Variants in KANSL3 observed in about 807,000 individuals in gnomAD.
KANSL3 encodes NSL complex protein NSL3.
A neutral mutation model predicts 89.2 loss-of-function variants in KANSL3; 16 were observed. That is an observed-to-expected ratio of 0.18 (90% CI 0.12 to 0.27). The LOEUF is 0.27. KANSL3 is among the 10% of genes least tolerant of loss of function. The probability of loss-of-function intolerance (pLI) is 1.00; values close to 1 mark genes in which losing one functional copy is unlikely to be tolerated. For synonymous variants in KANSL3, 385 were observed against 419.7 expected (o/e 0.92, Z 1.01); for missense variants, 879 against 1,110.6 (o/e 0.79, Z 2.96).
chr2:96,616,307 A>G (rs2070100939), intron 5 of KANSL3, among the ~76,000 whole-genome samples: 1 of 152,242 alleles, frequency 6.6e-6, no homozygotes, highest in South Asian at 2.1e-4. Context: ...TAACAGTAGT[A>G]TATAGCTTTG....
At chr2:96,605,221 A>G in intron 15 of KANSL3, 99 bp downstream of exon 15, 3 of 1,112,172 alleles carry the variant, frequency 2.7e-6, no homozygotes, top group Non-Finnish European at 3.9e-6. Context: ...ATCTCTCAAA[A>G]TAAAGCAAAG....
intron 3 of KANSL3, among the ~76,000 whole-genome samples, chr2:96,629,200 T>C (rs1325243337): frequency 1.3e-5 from 2 of 152,254 alleles, no homozygotes; most frequent in African/African-American, 4.8e-5. Flanking sequence ...ATCGTCGTTA[T>C]TTTTTATTAT....
chr2:96,637,228 AATTT>A, intron 1 of KANSL3, 43 bp from the exon 2 acceptor site: 1 of 697,718 alleles, frequency 1.4e-6, no homozygotes, highest in Admixed American at 2.8e-5. Flanking sequence ...CAATATCCTA[AATTT>A]CTCCCAATCT....
At chr2:96,632,397 G>A (rs1558785093) in intron 2 of KANSL3, among the ~76,000 whole-genome samples, 1 of 152,114 alleles carries the variant, frequency 6.6e-6, no homozygotes. Flanking sequence ...AGGAGGTTGA[G>A]GCTACAGTCA....
In KANSL3 at chr2:96,612,496, T is replaced by C. The variant is rs779344229; in HGVS notation, c.980A>G (p.His327Arg). ...TTTGCTTCTCACTGCCCCAATCATA[T>C]GCTCGAGACACTGTAGAACTCCTAC... is the stretch of plus-strand genomic sequence containing the variant. The part of the protein sequence containing the change: ...SGVGVLQCLE[H>R]MIGAVRSKVL... Residue 327 changes from histidine to arginine, a missense_variant, in exon 8 of 21, where the codon CAT becomes CGT. Transcript: ENST00000431828. 2.0e-5 allele frequency: 32 copies of C among 1,613,842 alleles called. No homozygotes were observed. The highest frequency in any genetic ancestry group is 3.3e-5 in the South Asian group (3 of 91,090).
At chr2:96,607,525 C>T (rs550965331) in intron 14 of KANSL3, among the ~76,000 whole-genome samples, 1 of 152,244 alleles carries the variant, frequency 6.6e-6, no homozygotes, top group Non-Finnish European at 1.5e-5. Flanking sequence ...TAAAGACACA[C>T]TGTCCACACG....
At chr2:96,621,549 G>A (rs370155575) in intron 3 of KANSL3, among the ~76,000 whole-genome samples, 27 of 151,900 alleles carry the variant, frequency 1.8e-4, no homozygotes, top group South Asian at 1.5e-3. Flanking sequence ...TAAGCCAGGC[G>A]TGGTAGCATG....
downstream of KANSL3, among the ~76,000 whole-genome samples, chr2:96,591,826 G>A (rs781705606): frequency 2.7e-5 from 4 of 150,838 alleles, no homozygotes; most frequent in South Asian, 2.1e-4. Context: ...ACTGGATCCC[G>A]GCAAGTCCAA....
At chr2:96,613,733 A>C in intron 5 of KANSL3, 114 bp from the exon 6 acceptor site, 1 of 952,732 alleles carries the variant, frequency 1.0e-6, no homozygotes, top group South Asian at 1.7e-5. Flanking sequence ...ACTTCAACTA[A>C]GCCTCTGAAA....
chr2:96,582,939 T>C, the KANSL3 span, among the ~76,000 whole-genome samples: 2 of 152,366 alleles, frequency 1.3e-5, no homozygotes, highest in Admixed American at 1.3e-4. Flanking sequence ...GTTTAGGAGC[T>C]ACAGGAAGGT....
chr2:96,612,425 G>T, intron 8 of KANSL3, 37 bp downstream of exon 8: 1 of 1,604,064 alleles, frequency 6.2e-7, no homozygotes, highest in Non-Finnish European at 8.5e-7. Context: ...CAGAATGCTG[G>T]GTATGCCACA....
At chr2:96,602,441 T>C in intron 18 of KANSL3, 103 bp from the exon 19 acceptor site, 1 of 822,366 alleles carries the variant, frequency 1.2e-6, no homozygotes, top group South Asian at 1.5e-5. Context: ...ATGTATTGAG[T>C]GCCTACTACA....
intron 14 of KANSL3, chr2:96,607,172 A>T (rs2068111647): frequency 1.6e-5 from 7 of 449,380 alleles, no homozygotes; most frequent in South Asian, 1.3e-4. Context: ...ACTGCATGGC[A>T]ACCTGACTCT....
intron 17 of KANSL3, chr2:96,603,803 C>G (rs2067541276): frequency 6.5e-6 from 1 of 153,410 alleles, no homozygotes; most frequent in African/African-American, 2.4e-5. Flanking sequence ...GTGAGCTTCA[C>G]AGCAGATTTG....
chr2:96,634,959 C>T (rs946331523), intron 2 of KANSL3, among the ~76,000 whole-genome samples: 11 of 152,156 alleles, frequency 7.2e-5, no homozygotes, highest in Admixed American at 5.2e-4. Flanking sequence ...CTTGCTCTTC[C>T]TTCCAATTCA....
intron 3 of KANSL3, among the ~76,000 whole-genome samples, chr2:96,621,924 G>C (rs1200447947): frequency 6.6e-6 from 1 of 151,794 alleles, no homozygotes; most frequent in African/African-American, 2.4e-5. Context: ...GACCAGCCTG[G>C]CCAACACAGT....
At chr2:96,623,909 G>A (rs1254189437) in intron 3 of KANSL3, among the ~76,000 whole-genome samples, 1 of 152,268 alleles carries the variant, frequency 6.6e-6, no homozygotes, top group Non-Finnish European at 1.5e-5. Context: ...TTCCTTGCTA[G>A]AGCTAAATCC....
rs377247971 is a variant in KANSL3, at chr2:96,601,731, G to A, written c.2528C>T (p.Pro843Leu). 59 of 1,598,818 alleles carry A rather than the reference G, an allele frequency of 3.7e-5. No homozygotes were observed. Among genetic ancestry groups the A allele is most frequent in the South Asian group, 7.9e-5 (7 of 88,634 alleles). The change falls in exon 20 of 21, where the codon CCG becomes CTG. Residue 843 changes from proline to leucine, a missense_variant. By Grantham distance (98) the Pro-to-Leu change is moderately conservative. Coordinates refer to ENST00000431828, the MANE Select transcript of KANSL3 (RefSeq NM_001115016.3). ...TTITLTLRGQ[P>L]SRITTLSPMG... Reference sequence around the variant, plus strand: ...AGGGCTCAGTGTAGTGATCCTGCTCGGCTGGCCACGAAGTGTCAGAGTAAT... The same window carrying A: ...AGGGCTCAGTGTAGTGATCCTGCTCAGCTGGCCACGAAGTGTCAGAGTAAT...
intron 3 of KANSL3, among the ~76,000 whole-genome samples, chr2:96,625,722 G>A (rs2072169557): frequency 6.6e-6 from 1 of 152,174 alleles, no homozygotes; most frequent in South Asian, 2.1e-4. Context: ...TAGGATTGCT[G>A]CTGGATATAT....
Sources: gnomAD v4.1 joint callset for allele counts (sites outside exome capture counted in the v4.1 genomes callset) on GRCh38, gnomAD v4.1.1 for gene constraint, MANE v1.5 for transcripts, NCBI Gene and HGNC (gene_info 2026-07-23, HGNC 2026-07-21) for gene names.